RAPGEF5: variants seen among roughly 807,000 people sequenced by gnomAD.
The protein encoded by RAPGEF5 is Rap guanine nucleotide exchange factor 5.
Under a neutral mutation model 125.2 loss-of-function variants are expected in RAPGEF5, and 65 were observed. The ratio of observed to expected loss-of-function variants is 0.52; its 90% confidence interval spans 0.43 to 0.64. RAPGEF5 has a LOEUF of 0.64. Ranked by LOEUF, RAPGEF5 falls within the 30% of genes least tolerant of loss-of-function variation. RAPGEF5 has a pLI of 0.00. For synonymous variants in RAPGEF5, 391 were observed against 385.9 expected (o/e 1.01, Z -0.16); for missense variants, 958 against 1,048.1 (o/e 0.91, Z 1.19).
intron 5 of RAPGEF5, among the ~76,000 whole-genome samples, chr7:22,301,198 C>T (rs182876333): frequency 7.2e-4 from 110 of 152,288 alleles, no homozygotes; most frequent in African/African-American, 2.6e-3. Flanking sequence ...TCCATCTTGG[C>T]CTGAACCTGT....
intron 21 of RAPGEF5, among the ~76,000 whole-genome samples, chr7:22,138,108 A>C (rs1477684444): frequency 6.6e-6 from 1 of 152,032 alleles, no homozygotes; most frequent in Non-Finnish European, 1.5e-5. Flanking sequence ...AGATATTTGC[A>C]ACTGATTCCA....
intron 1 of RAPGEF5, among the ~76,000 whole-genome samples, chr7:22,334,055 G>C (rs1783979623): frequency 2.0e-5 from 3 of 152,242 alleles, no homozygotes; most frequent in Non-Finnish European, 4.4e-5. Context: ...TAATGAGAGA[G>C]CTGCTGAATA....
At chr7:22,292,120 C>T (rs1782949988) in intron 5 of RAPGEF5, among the ~76,000 whole-genome samples, 1 of 152,082 alleles carries the variant, frequency 6.6e-6, no homozygotes, top group Admixed American at 6.6e-5. Context: ...AGGTCACTGC[C>T]CTGCAGAGCA....
intron 6 of RAPGEF5, among the ~76,000 whole-genome samples, chr7:22,268,335 T>C (rs533610117): frequency 6.6e-6 from 1 of 152,286 alleles, no homozygotes; most frequent in African/African-American, 2.4e-5. Flanking sequence ...GTTGGAAAGT[T>C]TACAGTTAAA....
At position 22,348,117 on chromosome 7, in the gene RAPGEF5, C is replaced by T. The variant is rs140391699; in HGVS notation, c.231+8713G>A. Among the ~76,000 whole-genome samples, 40 of 152,294 alleles carry T rather than the reference C, an allele frequency of 2.6e-4. 1 individual carries two copies. The East Asian group carries it at 7.3e-3, about 28-fold the overall frequency. On this transcript the variant is annotated intron_variant, in intron 1 of 25. Coordinates refer to ENST00000665637, the MANE Select transcript of RAPGEF5 (RefSeq NM_012294.5). Reference sequence around the variant, plus strand: ...CTTTCTAACCAGGGGTCTTGTGGCACAGGCTTCAGAACATCCACAAGCCCT... The same window carrying T: ...CTTTCTAACCAGGGGTCTTGTGGCATAGGCTTCAGAACATCCACAAGCCCT...
intron 20 of RAPGEF5, among the ~76,000 whole-genome samples, chr7:22,144,609 C>T (rs1268594444): frequency 9.9e-5 from 15 of 152,164 alleles, no homozygotes; most frequent in Admixed American, 9.8e-4. Context: ...CAGTGCAGGG[C>T]CTTCTAATGA....
At chr7:22,347,757 T>C (rs1289219126) in intron 1 of RAPGEF5, among the ~76,000 whole-genome samples, 1 of 152,184 alleles carries the variant, frequency 6.6e-6, no homozygotes, top group African/African-American at 2.4e-5. Flanking sequence ...CATGAGACCA[T>C]CTGCGACATA....
At chr7:22,271,154 C>T (rs749626136) in intron 6 of RAPGEF5, among the ~76,000 whole-genome samples, 2 of 152,158 alleles carry the variant, frequency 1.3e-5, no homozygotes, top group Non-Finnish European at 2.9e-5. Flanking sequence ...TCAAACTTGA[C>T]TGCACATTAG....
At chr7:22,148,232 G>T (rs972474420) in intron 18 of RAPGEF5, among the ~76,000 whole-genome samples, 4 of 152,238 alleles carry the variant, frequency 2.6e-5, no homozygotes, top group Non-Finnish European at 4.4e-5. Flanking sequence ...GACCCAGAGT[G>T]AGGAAGTAAC....
At chr7:22,316,488 TA>T (rs1216210338) in intron 2 of RAPGEF5, among the ~76,000 whole-genome samples, 704 of 18,612 alleles carry the variant, frequency 0.038, 13 homozygotes, top group East Asian at 0.12. Flanking sequence ...TATATATATA[TA>T]TTTTTTTTTT....
chr7:22,180,889 C>T (rs1038091095), intron 11 of RAPGEF5, among the ~76,000 whole-genome samples: 2 of 152,132 alleles, frequency 1.3e-5, no homozygotes, highest in African/African-American at 2.4e-5. Context: ...AGAACAAACA[C>T]CTTCCCTGGG....
In RAPGEF5 at chr7:22,121,381, T is replaced by C. The variant is rs1782578720; in HGVS notation, c.*1025A>G. 6.6e-6 allele frequency: 1 copy of C among 152,212 alleles called. No homozygotes were observed. The highest frequency in any genetic ancestry group is 1.5e-5 in the Non-Finnish European group (1 of 68,042). The allele number at this position is 152,212 out of a possible 1,614,324, so 9.4% of individuals were successfully genotyped here. A position where few individuals can be genotyped will look rare whatever the true frequency, so the allele number is the denominator to read the frequency against. On this transcript the variant is annotated 3_prime_UTR_variant, in exon 26 of 26. Coordinates refer to ENST00000665637, the MANE Select transcript of RAPGEF5 (RefSeq NM_012294.5). ...ACACTAGTAATTACCACTATCTTAT[T>C]ACCTAGAGAGTGCTAAGTGCTTCAC...
chr7:22,274,365 T>C (rs1782508472), intron 6 of RAPGEF5, among the ~76,000 whole-genome samples: 1 of 152,168 alleles, frequency 6.6e-6, no homozygotes, highest in Admixed American at 6.5e-5. Context: ...GGTCTCACTC[T>C]GTCACCCAGG....
chr7:22,131,763 G>T (rs1782921240), intron 23 of RAPGEF5, among the ~76,000 whole-genome samples: 1 of 152,122 alleles, frequency 6.6e-6, no homozygotes, highest in African/African-American at 2.4e-5. Context: ...AGTTAAATTT[G>T]GTTTGAGGCT....
At chr7:22,209,751 G>A (rs1476686) in intron 9 of RAPGEF5, among the ~76,000 whole-genome samples, 110,324 of 152,058 alleles carry the variant, frequency 0.73, 40,496 homozygotes, top group African/African-American at 0.84. Context: ...GGGTCACGTC[G>A]ATCAGCCCAG....
At chr7:22,281,822 CCT>C (rs1285630873) in intron 6 of RAPGEF5, among the ~76,000 whole-genome samples, 1 of 152,194 alleles carries the variant, frequency 6.6e-6, no homozygotes, top group Non-Finnish European at 1.5e-5. Context: ...ACATTCCAAT[CCT>C]CTCAGGAGCC....
chr7:22,144,955 C>A, intron 20 of RAPGEF5, 89 bp downstream of exon 20: 1 of 1,430,002 alleles, frequency 7.0e-7, no homozygotes, highest in African/African-American at 1.4e-5. Flanking sequence ...TATATCCCAA[C>A]CCTTATCATC....
chr7:22,215,556 T>C (rs1785616276), intron 9 of RAPGEF5, among the ~76,000 whole-genome samples: 1 of 152,232 alleles, frequency 6.6e-6, no homozygotes, highest in South Asian at 2.1e-4. Flanking sequence ...GGAGCCACCA[T>C]AGTTAGCCTG....
intron 1 of RAPGEF5, among the ~76,000 whole-genome samples, chr7:22,336,363 T>G (rs1173837566): frequency 2.0e-5 from 3 of 152,214 alleles, no homozygotes; most frequent in African/African-American, 7.2e-5. Flanking sequence ...GGCAATGAAA[T>G]TTAATTTCAT....
Sources: allele counts gnomAD v4.1 joint callset (sites outside exome capture counted in the v4.1 genomes callset), GRCh38; gene constraint gnomAD v4.1.1; transcripts MANE v1.5; gene names NCBI Gene and HGNC (gene_info 2026-07-23, HGNC 2026-07-21).